SCN9A: variants seen among roughly 807,000 people sequenced by gnomAD.
SCN9A encodes the protein sodium channel protein type 9 subunit alpha.
In SCN9A, 131 loss-of-function variants were observed where a neutral mutation model predicts 187.0. The observed-to-expected ratio is 0.70, with a 90% CI of 0.61 to 0.81. SCN9A has a LOEUF of 0.81. Among genes scored for constraint, SCN9A ranks in the 30% least tolerant of loss-of-function variants. The pLI is 0.00. For missense variants in SCN9A, 2,252 were observed against 2,396.6 expected (o/e 0.94, Z 1.26); for synonymous variants, 809 against 808.6 (o/e 1.00, Z -0.01).
chr2:166,215,839 CT>C (rs1260975718), intron 24 of SCN9A, among the ~76,000 whole-genome samples: 2 of 148,512 alleles, frequency 1.3e-5, no homozygotes, highest in Non-Finnish European at 3.0e-5. Context: ...AATATGAATT[CT>C]TCTCAAATTC....
Position 166,293,254 on chromosome 2 carries a change from A to T in SCN9A, c.1084T>A (p.Tyr362Asn). The T allele has an allele frequency of 6.3e-7, 1 of 1,587,698 alleles. No individual in the cohort carries two copies. Among genetic ancestry groups the T allele is most frequent in the Admixed American group, 1.8e-5 (1 of 56,058 alleles). ...LALFRLMTQD[Y>N]WENLYQQTLR... ...ACCTGTTGGTAAAGGTTTTCCCAGT[A>T]ATCTTGGGTCATTAGCCTAAACAAG... Residue 362 changes from tyrosine to asparagine, a missense_variant, in exon 9 of 27, where the codon TAC (tyrosine) becomes AAC (asparagine). By Grantham distance (143) the Tyr-to-Asn change is moderately radical. Around this residue, in one of 7 missense-constraint regions of SCN9A, gnomAD observed 1,013 missense variants for 997.4 expected, o/e 1.02. Transcript: ENST00000642356.
intron 1 of SCN9A, among the ~76,000 whole-genome samples, chr2:166,349,407 CT>C (rs1559056071): frequency 6.6e-6 from 1 of 152,070 alleles, no homozygotes; most frequent in African/African-American, 2.4e-5. Flanking sequence ...GTAATGAGTT[CT>C]TTTTACTGTT....
intron 16 of SCN9A, among the ~76,000 whole-genome samples, chr2:166,275,447 G>A (rs1249143472): frequency 1.3e-5 from 2 of 151,688 alleles, no homozygotes; most frequent in African/African-American, 2.4e-5. Flanking sequence ...TAGCTGGCAC[G>A]GTAGCATGCA....
chr2:166,343,907 G>A (rs1007248887), intron 1 of SCN9A, among the ~76,000 whole-genome samples: 22 of 152,160 alleles, frequency 1.4e-4, no homozygotes, highest in Non-Finnish European at 2.9e-5. Context: ...ATTTTATGTA[G>A]ATGCTTTATA....
At chr2:166,235,125 A>G (rs2106398377) in intron 20 of SCN9A, among the ~76,000 whole-genome samples, 1 of 152,266 alleles carries the variant, frequency 6.6e-6, no homozygotes, top group Middle Eastern at 3.4e-3. Flanking sequence ...TCTTTATTGA[A>G]TACTTTAACC....
intron 1 of SCN9A, among the ~76,000 whole-genome samples, chr2:166,315,485 C>A (rs1699087253): frequency 1.3e-5 from 2 of 152,136 alleles, no homozygotes; most frequent in Admixed American, 6.5e-5. Context: ...CATGCATGGG[C>A]AATATTTCCC....
intron 20 of SCN9A, among the ~76,000 whole-genome samples, chr2:166,237,664 T>C (rs1366684168): frequency 6.6e-6 from 1 of 152,200 alleles, no homozygotes; most frequent in African/African-American, 2.4e-5. Context: ...GCCAACTTGA[T>C]GTGCCCCTCA....
chr2:166,309,451 A>G (rs1376273903), intron 2 of SCN9A, among the ~76,000 whole-genome samples: 1 of 152,216 alleles, frequency 6.6e-6, no homozygotes, highest in Non-Finnish European at 1.5e-5. Context: ...AAACAATTAT[A>G]CTAAACAATG....
At chr2:166,320,071 A>G (rs1699200072) in intron 1 of SCN9A, among the ~76,000 whole-genome samples, 2 of 152,256 alleles carry the variant, frequency 1.3e-5, no homozygotes, top group African/African-American at 4.8e-5. Flanking sequence ...AAGTTAGAAA[A>G]CATTACATAA....
intron 24 of SCN9A, 79 bp downstream of exon 24, chr2:166,226,488 A>C: frequency 9.8e-7 from 1 of 1,017,410 alleles, no homozygotes; most frequent in Non-Finnish European, 1.4e-6. Context: ...ATTGATATCA[A>C]ATTAAACTTT....
rs1433503694 is a variant in SCN9A, at chr2:166,195,578, T to C, written c.*3094A>G. On this transcript the variant is annotated 3_prime_UTR_variant, in exon 27 of 27. Coordinates refer to ENST00000642356, the MANE Select transcript of SCN9A (RefSeq NM_001365536.1). ...CTGCTTTATTTACATATGCATTTTATTTTCACTCTTTTTAATAAAGCTATC... is the reference window on the plus strand; with the variant it reads ...CTGCTTTATTTACATATGCATTTTACTTTCACTCTTTTTAATAAAGCTATC... The C allele has an allele frequency of 1.3e-5, 2 of 152,182 alleles. No individual in the cohort carries two copies. Among genetic ancestry groups the C allele is most frequent in the Non-Finnish European group, 1.5e-5 (1 of 68,032 alleles). The allele number at this position is 152,182 out of a possible 1,614,324, so 9.4% of individuals were successfully genotyped here. A position where few individuals can be genotyped will look rare whatever the true frequency, so the allele number is the denominator to read the frequency against.
intron 7 of SCN9A, among the ~76,000 whole-genome samples, chr2:166,295,460 G>A (rs1698257104): frequency 6.6e-6 from 1 of 152,168 alleles, no homozygotes; most frequent in Non-Finnish European, 1.5e-5. Flanking sequence ...CCTAGGCTAT[G>A]TGGTATAGCC....
rs1369518035 is a variant in SCN9A, at chr2:166,310,823, A to G, written c.258+676T>C. Among the ~76,000 whole-genome samples, 10 of 77,360 alleles carry G rather than the reference A, an allele frequency of 1.3e-4. 3 individuals carry two copies. Among genetic ancestry groups the G allele is most frequent in the South Asian group, 7.4e-4 (2 of 2,714 alleles). The allele number at this position is 77,360 out of a possible 152,430, so 50.8% of individuals were successfully genotyped here. ...ATATGTTTATTGTGGCATTATTCAC[A>G]ATAGCAAACACTTGGAACCAACCCA... On this transcript the variant is annotated intron_variant, in intron 2 of 26. Coordinates refer to ENST00000642356, the MANE Select transcript of SCN9A (RefSeq NM_001365536.1).
intron 6 of SCN9A, 88 bp downstream of exon 6, chr2:166,304,150 T>C (rs1698673082): frequency 6.2e-7 from 1 of 1,612,582 alleles, no homozygotes; most frequent in Non-Finnish European, 8.5e-7. Context: ...ATACACACAG[T>C]GACGACACAC....
chr2:166,297,085 T>C (rs1698336478), intron 7 of SCN9A, among the ~76,000 whole-genome samples: 2 of 150,156 alleles, frequency 1.3e-5, no homozygotes, highest in South Asian at 4.2e-4. Flanking sequence ...TAGTCCCAGC[T>C]ACTTGGCAGG....
In SCN9A at chr2:166,227,672, T is replaced by C; in HGVS notation, c.4258A>G (p.Asn1420Asp). Residue 1420 changes from asparagine to aspartate, a missense_variant and splice_region_variant, in exon 23 of 27, where the codon AAT becomes GAT. Asn to Asp is a conservative substitution (Grantham distance 23, BLOSUM62 1). Around this residue, in one of 7 missense-constraint regions of SCN9A, gnomAD observed 368 missense variants for 408.6 expected, o/e 0.90. Transcript: ENST00000642356. ...GTGCTAAGATAATCAATACTTACATTAACAGAATCCACTGCTGCATACATA... is the reference window on the plus strand; with the variant it reads ...GTGCTAAGATAATCAATACTTACATCAACAGAATCCACTGCTGCATACATA... ...IIMYAAVDSV[N>D]VDKQPKYEYS... 1 of 1,507,540 alleles carries C rather than the reference T, an allele frequency of 6.6e-7. No individual in the cohort carries two copies. Among genetic ancestry groups the C allele is most frequent in the East Asian group, 2.4e-5 (1 of 41,604 alleles). The allele number at this position is 1,507,540 out of a possible 1,614,324, so 93.4% of individuals were successfully genotyped here. A position where few individuals can be genotyped will look rare whatever the true frequency, so the allele number is the denominator to read the frequency against.
chr2:166,290,152 T>C (rs985524572), intron 9 of SCN9A, among the ~76,000 whole-genome samples: 1 of 151,594 alleles, frequency 6.6e-6, no homozygotes, highest in African/African-American at 2.4e-5. Context: ...CACTTATGAG[T>C]GAGAACATGC....
chr2:166,340,467 TTTTC>T lies in SCN9A; in HGVS notation c.-50-28665_-50-28662del, dbSNP rs983898427. The stretch of plus-strand genomic sequence containing the variant: ...TTAGTCCTCTAATCATATCACAACG[TTTTC>T]TTTCTTTCTCTTTCTTTTTTTCTTT... On this transcript the variant is annotated intron_variant, in intron 1 of 26. Transcript: ENST00000642356. 8.9e-4 allele frequency among the ~76,000 whole-genome samples: 135 copies of T among 151,940 alleles called. 1 individual carries two copies. Among genetic ancestry groups the T allele is most frequent in the African/African-American group, 3.0e-3 (126 of 41,474 alleles).
chr2:166,291,351 C>T (rs1189840044), intron 9 of SCN9A, among the ~76,000 whole-genome samples: 1 of 151,926 alleles, frequency 6.6e-6, no homozygotes, highest in African/African-American at 2.4e-5. Flanking sequence ...AATAAAATAC[C>T]TAGGAATACA....
Sources: allele counts gnomAD v4.1 joint callset (sites outside exome capture counted in the v4.1 genomes callset), GRCh38; gene constraint gnomAD v4.1.1; regional missense constraint gnomAD v4.1.1; transcripts MANE v1.5; gene names NCBI Gene and HGNC (gene_info 2026-07-23, HGNC 2026-07-21).